BMP7: variants seen among roughly 807,000 people sequenced by gnomAD.
BMP7 encodes the protein bone morphogenetic protein 7.
A neutral mutation model predicts 41.2 loss-of-function variants in BMP7; 12 were observed. The ratio of observed to expected loss-of-function variants is 0.29; its 90% CI spans 0.19 to 0.47. BMP7 has a LOEUF of 0.47. Among genes scored for constraint, BMP7 ranks in the 20% least tolerant of loss-of-function variants. The pLI, the probability that BMP7 is intolerant of heterozygous loss-of-function variation, is 0.99. For synonymous variants in BMP7, 248 were observed against 250.0 expected, an observed-to-expected ratio of 0.99 and a Z score of 0.07; for missense variants, 467 against 606.0, an observed-to-expected ratio of 0.77 and a Z score of 2.41.
chr20:57,180,117 GCA>G (rs1984041512), intron 4 of BMP7, among the ~76,000 whole-genome samples: 1 of 152,090 alleles, frequency 6.6e-6, no homozygotes, highest in Non-Finnish European at 1.5e-5. Context: ...CGGCCTCTGA[GCA>G]CCCCCTCGGC....
chr20:57,225,257 G>A (rs1345401839), intron 2 of BMP7, among the ~76,000 whole-genome samples: 1 of 152,208 alleles, frequency 6.6e-6, no homozygotes, highest in Non-Finnish European at 1.5e-5. Context: ...GATTTGAAGA[G>A]CATTTGCAAG....
At chr20:57,265,616 G>A in intron 1 of BMP7, 89 bp downstream of exon 1, 1 of 1,524,454 alleles carries the variant, frequency 6.6e-7, no homozygotes, top group Non-Finnish European at 8.9e-7. Flanking sequence ...CGGAAAGCTG[G>A]GCGGGCTGCA....
At chr20:57,257,329 C>T (rs2066137682) in intron 1 of BMP7, among the ~76,000 whole-genome samples, 2 of 152,102 alleles carry the variant, frequency 1.3e-5, no homozygotes, top group Admixed American at 6.5e-5. Context: ...CACCAAAGAA[C>T]AGTCCATTGC....
At chr20:57,182,968 C>T (rs1248972481) in intron 4 of BMP7, among the ~76,000 whole-genome samples, 1 of 152,248 alleles carries the variant, frequency 6.6e-6, no homozygotes, top group Admixed American at 6.5e-5. Context: ...GGTGCAGTGG[C>T]TCACGCCTGT....
At chr20:57,263,798 T>C (rs2066162702) in intron 1 of BMP7, among the ~76,000 whole-genome samples, 1 of 147,830 alleles carries the variant, frequency 6.8e-6, no homozygotes, top group African/African-American at 2.7e-5. Context: ...AGTTAATAAA[T>C]ACACATTGTT....
intron 2 of BMP7, among the ~76,000 whole-genome samples, chr20:57,205,611 C>A (rs2123093047): frequency 6.6e-6 from 1 of 152,320 alleles, no homozygotes; most frequent in Non-Finnish European, 1.5e-5. Flanking sequence ...AAGTCACAAA[C>A]CCAGATGGTG....
chr20:57,225,436 T>C (rs1405299665), intron 2 of BMP7, among the ~76,000 whole-genome samples: 1 of 152,198 alleles, frequency 6.6e-6, no homozygotes, highest in Non-Finnish European at 1.5e-5. Flanking sequence ...TGACCATTTA[T>C]TGAGCACTTC....
chr20:57,263,593 C>T (rs2066161935), intron 1 of BMP7, among the ~76,000 whole-genome samples: 1 of 152,090 alleles, frequency 6.6e-6, no homozygotes, highest in African/African-American at 2.4e-5. Flanking sequence ...TTTAATGATT[C>T]CAGCCAGGCT....
chr20:57,263,093 C>G (rs2066160216), intron 1 of BMP7, among the ~76,000 whole-genome samples: 1 of 152,232 alleles, frequency 6.6e-6, no homozygotes, highest in African/African-American at 2.4e-5. Flanking sequence ...TCTCGCCAAA[C>G]TGCAGCCCAG....
Position 57,265,890 on chromosome 20 carries a change from G to A in BMP7, c.233C>T (p.Ser78Leu), listed in dbSNP as rs900152094. ...CAGGTCCAGCATGAACATGGGTGCC[G>A]AGTTGTGCTTGCCCTGGAGGTGCGG... ...PRPHLQGKHN[S>L]APMFMLDLYN... The change falls in exon 1 of 7, where the codon TCG (serine) becomes TTG (leucine). Residue 78 changes from serine to leucine, a missense_variant. Transcript: ENST00000395863. The A allele has an allele frequency of 6.3e-7, 1 of 1,599,288 alleles. No homozygotes were observed. Among genetic ancestry groups the A allele is most frequent in the African/African-American group, 1.3e-5 (1 of 74,870 alleles).
chr20:57,261,989 C>G lies in BMP7; in HGVS notation c.418+3716G>C, dbSNP rs1046448778. Among the ~76,000 whole-genome samples the G allele has an allele frequency of 5.3e-5, 8 of 152,206 alleles. No homozygotes were observed. Among genetic ancestry groups the G allele is most frequent in the Admixed American group, 3.3e-4 (5 of 15,286 alleles). Reference sequence around the variant, plus strand: ...ACTCTTCAGCTACATTAACAAAAGCCACTTTTATAGGCTGACTCCAATAAT... The same window carrying G: ...ACTCTTCAGCTACATTAACAAAAGCGACTTTTATAGGCTGACTCCAATAAT... On this transcript the variant is annotated intron_variant, in intron 1 of 6. Transcript: ENST00000395863. The surrounding 1 kb of genome is among the most constrained non-coding windows in gnomAD (Gnocchi z 4.1).
intron 2 of BMP7, among the ~76,000 whole-genome samples, chr20:57,218,908 T>C (rs1985110169): frequency 6.9e-6 from 1 of 144,502 alleles, no homozygotes; most frequent in African/African-American, 2.6e-5. Context: ...TGGTGTTTGG[T>C]GGTAGCTAGT....
In BMP7 at chr20:57,168,915, G is replaced by A. The variant is rs1210607780; in HGVS notation, c.*2044C>T. ...AAGAAAACAAACAGGTTGAAGGAAA[G>A]CAAGCTCATCGTCCTGAACGAGGGA... On this transcript the variant is annotated 3_prime_UTR_variant, in exon 7 of 7. Transcript: ENST00000395863. 6.8e-6 allele frequency: 1 copy of A among 147,930 alleles called. No individual in the cohort carries two copies. The highest frequency in any genetic ancestry group is 1.5e-5 in the Non-Finnish European group (1 of 67,246). The allele number at this position is 147,930 out of a possible 1,614,324, so 9.2% of individuals were successfully genotyped here. A position where few individuals can be genotyped will look rare whatever the true frequency, so the allele number is the denominator to read the frequency against.
intron 3 of BMP7, among the ~76,000 whole-genome samples, chr20:57,202,066 C>A (rs916961364): frequency 2.0e-5 from 3 of 152,112 alleles, no homozygotes; most frequent in Non-Finnish European, 2.9e-5. Flanking sequence ...AGTAAGAGAC[C>A]GGGGACGCTG....
chr20:57,196,365 A>G (rs1489792679), intron 3 of BMP7, among the ~76,000 whole-genome samples: 1 of 152,186 alleles, frequency 6.6e-6, no homozygotes, highest in African/African-American at 2.4e-5. Flanking sequence ...CCTTCAGTAC[A>G]TGGTCTCTCG....
rs934287385 is a variant in BMP7 at position 57,173,560 on chromosome 20, G to A, written c.1036-250C>T. 6.8e-5 allele frequency: 40 copies of A among 587,854 alleles called. 1 individual carries two copies. The South Asian group carries it at 7.7e-4, about 11-fold the overall frequency. The allele number at this position is 587,854 out of a possible 1,614,324, so 36.4% of individuals were successfully genotyped here. A position where few individuals can be genotyped will look rare whatever the true frequency, so the allele number is the denominator to read the frequency against. On this transcript the variant is annotated intron_variant, in intron 5 of 6. Transcript: ENST00000395863. ...AGTCCAAGCTTAGTAGACTGAGTGG[G>A]AAGACGGCTCAAAGCTGCGGTGAGC...
At chr20:57,226,324 G>C (rs940394498) in intron 2 of BMP7, among the ~76,000 whole-genome samples, 3 of 152,226 alleles carry the variant, frequency 2.0e-5, no homozygotes, top group African/African-American at 7.2e-5. Context: ...TGGCTGCTGG[G>C]AGTAGATGTC....
chr20:57,175,555 GA>G (rs1227378568), intron 4 of BMP7, among the ~76,000 whole-genome samples: 9 of 152,186 alleles, frequency 5.9e-5, no homozygotes, highest in Non-Finnish European at 4.4e-5. Context: ...CCTTTCAGAA[GA>G]AAACACTCCC....
chr20:57,230,330 G>A (rs1416423865), intron 1 of BMP7, among the ~76,000 whole-genome samples: 1 of 152,110 alleles, frequency 6.6e-6, no homozygotes, highest in East Asian at 1.9e-4. Flanking sequence ...AGCCACTTGG[G>A]AACCAAGTGA....
Sources: gnomAD v4.1 joint callset for allele counts (sites outside exome capture counted in the v4.1 genomes callset) on GRCh38, gnomAD v4.1.1 for gene constraint, Gnocchi (gnomAD v3.1) non-coding constraint, MANE v1.5 for transcripts, NCBI Gene and HGNC (gene_info 2026-07-23, HGNC 2026-07-21) for gene names.